LIFR: variants seen among roughly 807,000 people sequenced by gnomAD.
LIFR encodes leukemia inhibitory factor receptor.
LIFR carries 84 observed loss-of-function variants against 122.2 expected under a neutral mutation model. The ratio of observed to expected loss-of-function variants is 0.69; its 90% CI spans 0.58 to 0.82. LIFR has a LOEUF of 0.82. Among genes scored for constraint, LIFR ranks in the 40% least tolerant of loss-of-function variants. The pLI, the probability that LIFR is intolerant of heterozygous loss-of-function variation, is 0.00. For synonymous variants in LIFR, 422 were observed against 434.7 expected (o/e 0.97, Z 0.36); for missense variants, 1,294 against 1,311.6 (o/e 0.99, Z 0.21).
intron 1 of LIFR, among the ~76,000 whole-genome samples, chr5:38,551,444 C>T (rs1355753090): frequency 6.6e-6 from 1 of 152,220 alleles, no homozygotes; most frequent in Non-Finnish European, 1.5e-5. Context: ...GCATTTCTGT[C>T]ACCTCTTGCT....
chr5:38,496,861 C>T (rs905834358), intron 12 of LIFR, among the ~76,000 whole-genome samples: 10 of 152,006 alleles, frequency 6.6e-5, no homozygotes, highest in African/African-American at 1.9e-4. Flanking sequence ...CCTGTAATCC[C>T]AGCTACTTGG....
intron 1 of LIFR, among the ~76,000 whole-genome samples, chr5:38,549,141 A>T (rs538366534): frequency 1.5e-4 from 23 of 152,194 alleles, no homozygotes; most frequent in African/African-American, 5.5e-4. Context: ...GAAATCCAGG[A>T]AAGTAAAAAG....
chr5:38,477,103 A>G lies in LIFR; in HGVS notation c.*4492T>C, dbSNP rs947702835. On this transcript the variant is annotated 3_prime_UTR_variant, in exon 20 of 20. Coordinates refer to ENST00000453190, the MANE Select transcript of LIFR (RefSeq NM_001127671.2). The stretch of plus-strand genomic sequence containing the variant: ...TTAATCCTTTACACTGGCACTAAAA[A>G]TAGTTCATCTGTAATAAGCATGAAT... The G allele has an allele frequency of 8.9e-6, 2 of 224,062 alleles. No homozygotes were observed. The highest frequency in any genetic ancestry group is 4.5e-5 in the African/African-American group (2 of 44,890). 13.9% of individuals were successfully genotyped at this position (224,062 alleles called of 1,614,324 possible).
At chr5:38,559,598 T>C (rs1300084098), upstream of LIFR, among the ~76,000 whole-genome samples, 1 of 152,238 alleles carries the variant, frequency 6.6e-6, no homozygotes, top group Non-Finnish European at 1.5e-5. Flanking sequence ...AACAAGAACG[T>C]ACTTTGTTTG....
At chr5:38,548,479 G>A (rs746695524) in intron 1 of LIFR, among the ~76,000 whole-genome samples, 1 of 152,048 alleles carries the variant, frequency 6.6e-6, no homozygotes, top group Non-Finnish European at 1.5e-5. Context: ...TTATTGAGTG[G>A]GCCTCCTGGC....
intron 1 of LIFR, chr5:38,555,050 T>C (rs184226608): frequency 6.6e-6 from 1 of 152,182 alleles, no homozygotes; most frequent in African/African-American, 2.4e-5. Context: ...GAAGAGGAAA[T>C]AGCTGCTCCG....
intron 1 of LIFR, among the ~76,000 whole-genome samples, chr5:38,586,235 T>A (rs1749744091): frequency 6.6e-6 from 1 of 152,220 alleles, no homozygotes; most frequent in Non-Finnish European, 1.5e-5. Context: ...AGCAACATTA[T>A]GGCCTCGTTC....
chr5:38,566,234 G>A (rs988878434), intron 1 of LIFR, among the ~76,000 whole-genome samples: 6 of 152,012 alleles, frequency 3.9e-5, no homozygotes, highest in African/African-American at 1.5e-4. Flanking sequence ...AAAAATATTA[G>A]AATTAACATA....
chr5:38,593,576 G>A (rs181995119), intron 1 of LIFR, among the ~76,000 whole-genome samples: 2 of 152,172 alleles, frequency 1.3e-5, no homozygotes, highest in Non-Finnish European at 2.9e-5. Flanking sequence ...GAGAAGAGGA[G>A]GGGGATAGAC....
chr5:38,596,680 G>A (rs1750106347), upstream of LIFR, among the ~76,000 whole-genome samples: 1 of 152,112 alleles, frequency 6.6e-6, no homozygotes, highest in South Asian at 2.1e-4. Context: ...TAACACCCAT[G>A]ACCTCTTTTT....
At position 38,603,191 on chromosome 5, in the gene LIFR, T is replaced by C. The variant is rs567703189; in HGVS notation, n.305+3014A>G. ...GGATCTCTTCCACGTGTTCTTTCCT[T>C]TCTTTCCTCTTCTAAAGCATTTTTA... is the stretch of plus-strand genomic sequence containing the variant. On this transcript the variant is annotated intron_variant and non_coding_transcript_variant, in intron 2 of 3. Coordinates refer to the LIFR transcript ENST00000507786. Among the ~76,000 whole-genome samples the C allele has an allele frequency of 2.0e-5, 3 of 152,306 alleles. No homozygotes were observed. The South Asian group carries it at 6.2e-4, about 32-fold the overall frequency.
Position 38,585,901 on chromosome 5 carries a change from T to G in LIFR, c.-20+9360A>C, listed in dbSNP as rs532192208. Among the ~76,000 whole-genome samples, 4 of 152,270 alleles carry G rather than the reference T, an allele frequency of 2.6e-5. No individual in the cohort carries two copies. In the South Asian group the frequency reaches 8.3e-4, roughly 32 times the overall value. Reference sequence around the variant, plus strand: ...CAGAAATGACCTGTCACATCTTCTCTTCTTCATCCACTCCCCACCAAGAGA... The same window carrying G: ...CAGAAATGACCTGTCACATCTTCTCGTCTTCATCCACTCCCCACCAAGAGA... On this transcript the variant is annotated intron_variant, in intron 1 of 19. Transcript: ENST00000263409.
At chr5:38,580,746 A>G (rs745652235) in intron 1 of LIFR, among the ~76,000 whole-genome samples, 11 of 152,060 alleles carry the variant, frequency 7.2e-5, no homozygotes, top group Non-Finnish European at 1.5e-4. Context: ...TTCAGCACCA[A>G]TTGAGCCTCT....
At chr5:38,578,253 C>A (rs1045834176) in intron 1 of LIFR, among the ~76,000 whole-genome samples, 9 of 134,914 alleles carry the variant, frequency 6.7e-5, no homozygotes, top group Non-Finnish European at 1.1e-4. Flanking sequence ...GTTGCCCAGG[C>A]TGGAGTGCAA....
chr5:38,584,021 CT>C (rs151281841), intron 1 of LIFR, among the ~76,000 whole-genome samples: 56 of 149,046 alleles, frequency 3.8e-4, no homozygotes, highest in African/African-American at 9.3e-4. Flanking sequence ...AAATCTCTCT[CT>C]TTTTTTTTTA....
In LIFR at chr5:38,481,975, C is replaced by G; in HGVS notation, c.2914G>C (p.Val972Leu). Residue 972 changes from valine (V) to leucine (L), a missense_variant, in exon 20 of 20, where the codon GTT (valine) becomes CTT (leucine). Physicochemically the swap from Val to Leu is conservative, Grantham distance 32. Coordinates refer to ENST00000453190, the MANE Select transcript of LIFR (RefSeq NM_001127671.2). ...ATCGACTGAACATCAATGTAAATAA[C>G]CTGTGCAGTCCCTCCAGCTTCATCT... ...AADEAGGTAQ[V>L]IYIDVQSMYQ... 1 of 1,614,144 alleles carries G rather than the reference C, an allele frequency of 6.2e-7. No individual in the cohort carries two copies. The highest frequency in any genetic ancestry group is 8.5e-7 in the Non-Finnish European group (1 of 1,180,030).
At chr5:38,486,054 A>G in intron 16 of LIFR, 74 bp from the exon 17 acceptor site, 2 of 1,376,590 alleles carry the variant, frequency 1.5e-6, no homozygotes, top group Non-Finnish European at 2.1e-6. Context: ...CACCTGTCTC[A>G]CCAACTGCCC....
intron 1 of LIFR, chr5:38,607,696 A>C (rs1750361315): frequency 6.6e-6 from 1 of 152,324 alleles, no homozygotes; most frequent in Non-Finnish European, 1.5e-5. Context: ...GAGGCCCCAG[A>C]GATTGCCCAC....
intron 1 of LIFR, among the ~76,000 whole-genome samples, chr5:38,548,975 A>C (rs1748045864): frequency 6.6e-6 from 1 of 152,138 alleles, no homozygotes; most frequent in African/African-American, 2.4e-5. Context: ...AACGTTTATT[A>C]AATACTACAT....
Sources: allele counts gnomAD v4.1 joint callset (sites outside exome capture counted in the v4.1 genomes callset), GRCh38; gene constraint gnomAD v4.1.1; transcripts MANE v1.5; gene names NCBI Gene and HGNC (gene_info 2026-07-23, HGNC 2026-07-21).